CASP6: variants seen among roughly 807,000 people sequenced by gnomAD.
CASP6 encodes the protein caspase 6.
In CASP6, 20 loss-of-function variants were observed where a neutral mutation model predicts 31.8. That is an observed-to-expected ratio of 0.63 (90% confidence interval 0.44 to 0.91). The LOEUF is 0.91. CASP6 is among the 40% of genes least tolerant of loss of function. CASP6 has a pLI of 0.00. For synonymous variants in CASP6, 130 were observed against 127.8 expected (o/e 1.02, Z -0.12); for missense variants, 328 against 361.1 (o/e 0.91, Z 0.74).
the CASP6 span, among the ~76,000 whole-genome samples, chr4:109,675,465 G>T: frequency 1.3e-5 from 2 of 152,176 alleles, no homozygotes; most frequent in Non-Finnish European, 2.9e-5. Context: ...CATAGCTCAA[G>T]GCCACATCAT....
chr4:109,669,664 T>C, the CASP6 span, among the ~76,000 whole-genome samples: 566 of 152,058 alleles, frequency 3.7e-3, 16 homozygotes, highest in South Asian at 0.06. Flanking sequence ...ATTCATTTTG[T>C]GGCTGTCCTA....
At chr4:109,681,794 T>TA in the CASP6 span, among the ~76,000 whole-genome samples, 649 of 152,334 alleles carry the variant, frequency 4.3e-3, 7 homozygotes, top group African/African-American at 0.015. Context: ...GCGAGTCTGC[T>TA]ACGGCGGCAA....
chr4:109,696,986 CCAT>C (rs1408962537), intron 3 of CASP6, among the ~76,000 whole-genome samples: 1 of 151,824 alleles, frequency 6.6e-6, no homozygotes, highest in East Asian at 1.9e-4. Flanking sequence ...CAGGGTTTCA[CCAT>C]GTTAGCCAGG....
At chr4:109,694,473 A>G (rs1730173961) in intron 5 of CASP6, 52 bp downstream of exon 5, 2 of 1,436,740 alleles carry the variant, frequency 1.4e-6, no homozygotes, top group African/African-American at 2.9e-5. Flanking sequence ...CCTTTATCAC[A>G]TGTTCAGAAT....
chr4:109,706,172 C>CAT (rs1561266955), upstream of CASP6, among the ~76,000 whole-genome samples: 24 of 58,920 alleles, frequency 4.1e-4, no homozygotes, highest in African/African-American at 2.2e-3. Flanking sequence ...TATATATATA[C>CAT]ACACACACAT....
chr4:109,678,001 T>G, the CASP6 span, among the ~76,000 whole-genome samples: 4 of 151,926 alleles, frequency 2.6e-5, no homozygotes, highest in East Asian at 7.8e-4. Flanking sequence ...TACTTGAGAT[T>G]AGGGAGTGGT....
At chr4:109,691,035 C>T in intron 5 of CASP6, 26 bp from the exon 6 acceptor site, 2 of 1,592,280 alleles carry the variant, frequency 1.3e-6, no homozygotes, top group East Asian at 2.2e-5. Flanking sequence ...GAAAAACCCA[C>T]CTCTTTGCCT....
the CASP6 span, among the ~76,000 whole-genome samples, chr4:109,670,014 G>A: frequency 5.3e-5 from 8 of 152,214 alleles, no homozygotes; most frequent in African/African-American, 1.9e-4. Context: ...GCCATGTCTG[G>A]CTCTCGTTCT....
At chr4:109,684,689 C>A, downstream of CASP6, 1 of 918,130 alleles carries the variant, frequency 1.1e-6, no homozygotes, top group Non-Finnish European at 1.7e-6. Flanking sequence ...AACATCTTTG[C>A]AAAGAATGTC....
chr4:109,697,852 G>A (rs1276310876), intron 2 of CASP6, 84 bp from the exon 3 acceptor site: 3 of 1,456,618 alleles, frequency 2.1e-6, no homozygotes, highest in Admixed American at 3.9e-5. Context: ...CATGTAGATA[G>A]AGATCTGAGC....
the CASP6 span, among the ~76,000 whole-genome samples, chr4:109,709,686 T>A: frequency 6.6e-6 from 1 of 152,228 alleles, no homozygotes; most frequent in African/African-American, 2.4e-5. Flanking sequence ...ACTGAAGGTC[T>A]TGGCTTGTCA....
At chr4:109,696,333 T>G in intron 4 of CASP6, 77 bp downstream of exon 4, 2 of 1,022,628 alleles carry the variant, frequency 2.0e-6, no homozygotes, top group Non-Finnish European at 2.9e-6. Flanking sequence ...TAATTACTTG[T>G]ACCTGTCTTT....
chr4:109,668,404 G>T, the CASP6 span, among the ~76,000 whole-genome samples: 1 of 151,928 alleles, frequency 6.6e-6, no homozygotes, highest in African/African-American at 2.4e-5. Context: ...TTTACTCCTG[G>T]TAGCTTTCCT....
At chr4:109,683,722 A>C (rs975275653), downstream of CASP6, among the ~76,000 whole-genome samples, 2 of 152,214 alleles carry the variant, frequency 1.3e-5, no homozygotes, top group East Asian at 3.9e-4. Flanking sequence ...CTTGATGGGC[A>C]TATGGATTCT....
chr4:109,666,640 T>C, the CASP6 span, among the ~76,000 whole-genome samples: 1 of 152,334 alleles, frequency 6.6e-6, no homozygotes, highest in African/African-American at 2.4e-5. Flanking sequence ...GATCAGGTTG[T>C]TCATTTTCTT....
upstream of CASP6, chr4:109,703,634 G>C: frequency 3.5e-6 from 2 of 566,338 alleles, no homozygotes; most frequent in South Asian, 4.6e-5. Context: ...GGGGCAGGGA[G>C]AGGTACGCGG....
chr4:109,697,081 C>T (rs931473093), intron 3 of CASP6, among the ~76,000 whole-genome samples: 3 of 151,774 alleles, frequency 2.0e-5, no homozygotes, highest in East Asian at 1.9e-4. Context: ...CCACCATGCC[C>T]GGCCAACTCA....
chr4:109,677,087 T>C, the CASP6 span, among the ~76,000 whole-genome samples: 2 of 152,256 alleles, frequency 1.3e-5, no homozygotes, highest in African/African-American at 4.8e-5. Context: ...ACCTAACCCC[T>C]GCCTTAGTGT....
chr4:109,681,555 C>T, the CASP6 span: 7 of 414,988 alleles, frequency 1.7e-5, no homozygotes, highest in East Asian at 7.5e-5. Flanking sequence ...TTCTAAGGAA[C>T]GGAATCTTGG....
Sources: allele counts gnomAD v4.1 joint callset (sites outside exome capture counted in the v4.1 genomes callset), GRCh38; gene constraint gnomAD v4.1.1; transcripts MANE v1.5; gene names NCBI Gene and HGNC (gene_info 2026-07-23, HGNC 2026-07-21).